The following ANTXR2 variants were observed in gnomAD, a reference collection of about 807,000 sequenced individuals.
ANTXR2 encodes ANTXR cell adhesion molecule 2.
ANTXR2 carries 44 observed loss-of-function variants against 73.7 expected under a neutral mutation model. The ratio of observed to expected loss-of-function variants is 0.60; its 90% CI spans 0.47 to 0.77. The LOEUF (loss-of-function observed/expected upper bound fraction) is 0.77, where lower values mean the gene tolerates loss of function less well. ANTXR2 is among the 30% of genes least tolerant of loss of function. The pLI, the probability that ANTXR2 is intolerant of heterozygous loss-of-function variation, is 0.00. For missense variants in ANTXR2, 604 were observed against 592.5 expected (o/e 1.02, Z -0.20); for synonymous variants, 217 against 205.9 (o/e 1.05, Z -0.46).
At chr4:80,052,501 C>T (rs1371564923) in intron 7 of ANTXR2, among the ~76,000 whole-genome samples, 1 of 151,596 alleles carries the variant, frequency 6.6e-6, no homozygotes, top group Non-Finnish European at 1.5e-5. Flanking sequence ...GTAATGGCTC[C>T]TTCTTTCCAC....
chr4:79,999,654 T>C (rs1730923112), intron 12 of ANTXR2, among the ~76,000 whole-genome samples: 1 of 152,116 alleles, frequency 6.6e-6, no homozygotes, highest in South Asian at 2.1e-4. Flanking sequence ...GATATGGAAA[T>C]ATGTATGTTT....
At chr4:80,065,631 T>C (rs527844722) in intron 3 of ANTXR2, among the ~76,000 whole-genome samples, 102 of 152,370 alleles carry the variant, frequency 6.7e-4, no homozygotes, top group Middle Eastern at 3.4e-3. Flanking sequence ...TTTTTTGGCA[T>C]GTTTATTACT....
chr4:79,965,845 C>A (rs184348572), intron 16 of ANTXR2, among the ~76,000 whole-genome samples: 141 of 152,208 alleles, frequency 9.3e-4, no homozygotes, highest in Admixed American at 2.0e-3. Context: ...TTCCTAATAT[C>A]AGATAATTTG....
chr4:79,923,998 T>C (rs1427645401), intron 16 of ANTXR2, among the ~76,000 whole-genome samples: 1 of 152,096 alleles, frequency 6.6e-6, no homozygotes, highest in Non-Finnish European at 1.5e-5. Context: ...ACATATATTG[T>C]TTTAATTGTA....
intron 12 of ANTXR2, among the ~76,000 whole-genome samples, chr4:80,001,957 T>C (rs367619033): frequency 6.6e-6 from 1 of 152,034 alleles, no homozygotes; most frequent in Admixed American, 6.6e-5. Flanking sequence ...GCACGTGAGA[T>C]GGGTTTCCTG....
At chr4:80,063,036 A>T (rs1295630483) in intron 3 of ANTXR2, among the ~76,000 whole-genome samples, 2 of 152,214 alleles carry the variant, frequency 1.3e-5, no homozygotes, top group Admixed American at 1.3e-4. Context: ...AGAAAAAATT[A>T]AAAGGTAGTT....
chr4:80,028,986 A>C (rs935138780), intron 10 of ANTXR2, among the ~76,000 whole-genome samples: 2 of 152,162 alleles, frequency 1.3e-5, no homozygotes, highest in East Asian at 3.9e-4. Flanking sequence ...GGAAAGGAAG[A>C]CAAAAGCAAT....
chr4:79,948,652 C>T lies in ANTXR2; in HGVS notation c.1428+28969G>A, dbSNP rs539379074. Reference sequence around the variant, plus strand: ...ATACACCATTATGATGACTTAAATTCGTGATTAAAACCGTGATGGAGGTTT... The same window carrying T: ...ATACACCATTATGATGACTTAAATTTGTGATTAAAACCGTGATGGAGGTTT... On this transcript the variant is annotated intron_variant, in intron 16 of 16. Transcript: ENST00000403729. Among the ~76,000 whole-genome samples, 5 of 152,184 alleles carry T rather than the reference C, an allele frequency of 3.3e-5. No individual in the cohort carries two copies. In the South Asian group the frequency reaches 1.0e-3, roughly 32 times the overall value.
intron 15 of ANTXR2, 48 bp from the exon 16 acceptor site, chr4:79,977,749 C>A: frequency 6.7e-7 from 1 of 1,484,144 alleles, no homozygotes; most frequent in East Asian, 2.4e-5. Context: ...TACTCAATCT[C>A]TATGTACTGA....
chr4:79,926,979 G>GTGCATATATGTGTATACATACACA (rs1297326048), intron 16 of ANTXR2, among the ~76,000 whole-genome samples: 3 of 43,730 alleles, frequency 6.9e-5, no homozygotes, highest in African/African-American at 1.3e-4. Context: ...GTATATATAC[G>GTGCATATATGTGTATACATACACA]TGTGCATATA....
At chr4:80,005,245 C>T (rs192771409) in intron 12 of ANTXR2, among the ~76,000 whole-genome samples, 1 of 152,150 alleles carries the variant, frequency 6.6e-6, no homozygotes. Context: ...ATAAATGTGC[C>T]TGAGAATAGA....
At chr4:80,021,704 T>G (rs1732172895) in intron 10 of ANTXR2, among the ~76,000 whole-genome samples, 1 of 152,130 alleles carries the variant, frequency 6.6e-6, no homozygotes. Context: ...GATATGATCT[T>G]GTAACCGACA....
chr4:79,985,081 G>A (rs561061505), intron 12 of ANTXR2, among the ~76,000 whole-genome samples: 86 of 152,036 alleles, frequency 5.7e-4, no homozygotes, highest in African/African-American at 2.0e-3. Context: ...AGGTGCGGTC[G>A]CTCATGCCTG....
chr4:79,962,040 G>A (rs556657153), intron 16 of ANTXR2, among the ~76,000 whole-genome samples: 21 of 152,066 alleles, frequency 1.4e-4, no homozygotes, highest in Non-Finnish European at 2.9e-4. Flanking sequence ...TAATTTAAAT[G>A]ATTAAATTTT....
chr4:79,974,018 T>C (rs892744171), intron 16 of ANTXR2, among the ~76,000 whole-genome samples: 9 of 152,202 alleles, frequency 5.9e-5, no homozygotes, highest in South Asian at 2.1e-4. Context: ...TAGATAGATA[T>C]ACATTATACC....
At chr4:80,031,533 G>T in intron 10 of ANTXR2, 90 bp downstream of exon 10, 1 of 1,051,128 alleles carries the variant, frequency 9.5e-7, no homozygotes, top group Non-Finnish European at 1.3e-6. Context: ...ATCAAAAAAA[G>T]ATAGAATAAA....
chr4:80,071,483 A>G (rs1400809960), intron 2 of ANTXR2, 100 bp downstream of exon 2: 6 of 991,116 alleles, frequency 6.1e-6, no homozygotes, highest in Non-Finnish European at 9.5e-6. Flanking sequence ...TAAAAGTAAC[A>G]TTTCAGGAAA....
rs2109916706 is a variant in ANTXR2, at chr4:79,902,846, ATAT to A, written c.*4580_*4582del. The stretch of plus-strand genomic sequence containing the variant: ...AAATACTAAAACCTCCAACCTAACC[ATAT>A]TAATAGAAATGTAGTCAGAGGCCTG... On this transcript the variant is annotated 3_prime_UTR_variant, in exon 17 of 17. Coordinates refer to ENST00000403729, the MANE Select transcript of ANTXR2 (RefSeq NM_058172.6). 6.6e-6 allele frequency: 1 copy of A among 152,158 alleles called. No homozygotes were observed. Among genetic ancestry groups the A allele is most frequent in the East Asian group, 1.9e-4 (1 of 5,166 alleles). The allele number at this position is 152,158 out of a possible 1,614,324, so 9.4% of individuals were successfully genotyped here.
chr4:80,054,485 CA>C, intron 6 of ANTXR2, 133 bp from the exon 7 acceptor site: 1 of 631,490 alleles, frequency 1.6e-6, no homozygotes, highest in Non-Finnish European at 2.7e-6. Flanking sequence ...GATCTGTGTT[CA>C]AGGTCAGGAA....
Sources: gnomAD v4.1 joint callset for allele counts (sites outside exome capture counted in the v4.1 genomes callset) on GRCh38, gnomAD v4.1.1 for gene constraint, MANE v1.5 for transcripts, NCBI Gene and HGNC (gene_info 2026-07-23, HGNC 2026-07-21) for gene names.